The following PUM3 variants were observed in gnomAD, a reference collection of about 807,000 sequenced individuals.
PUM3 encodes the protein pumilio RNA binding family member 3.
Under a neutral mutation model 84.0 loss-of-function variants are expected in PUM3, and 91 were observed. The ratio of observed to expected loss-of-function variants is 1.08; its 90% CI spans 0.91 to 1.29. The LOEUF is 1.29. PUM3 is among the 50% of genes most tolerant of loss of function. The pLI is 0.00. For missense variants in PUM3, 1,067 were observed against 767.5 expected (o/e 1.39, Z -4.61); for synonymous variants, 321 against 266.7 (o/e 1.20, Z -1.98).
chr9:2,808,974 G>A (rs1821314275), intron 16 of PUM3, among the ~76,000 whole-genome samples: 1 of 152,168 alleles, frequency 6.6e-6, no homozygotes, highest in South Asian at 2.1e-4. Context: ...ATCTCGTGAA[G>A]GAGCCCAAGC....
intron 2 of PUM3, among the ~76,000 whole-genome samples, chr9:2,838,067 T>A (rs1339717276): frequency 6.6e-6 from 1 of 152,150 alleles, no homozygotes; most frequent in Non-Finnish European, 1.5e-5. Context: ...AATAAAGACA[T>A]CACCATTATA....
At chr9:2,839,123 T>C (rs1816204241) in intron 1 of PUM3, among the ~76,000 whole-genome samples, 1 of 152,208 alleles carries the variant, frequency 6.6e-6, no homozygotes, top group African/African-American at 2.4e-5. Context: ...AGTTAATATT[T>C]CATTGAAAGG....
intron 1 of PUM3, among the ~76,000 whole-genome samples, chr9:2,841,574 T>G (rs1816268547): frequency 6.6e-6 from 1 of 152,116 alleles, no homozygotes; most frequent in Non-Finnish European, 1.5e-5. Flanking sequence ...TTTCAAATGT[T>G]AAACTACCAT....
chr9:2,835,375 G>A (rs1429803877), intron 3 of PUM3, among the ~76,000 whole-genome samples: 2 of 152,068 alleles, frequency 1.3e-5, no homozygotes, highest in East Asian at 1.9e-4. Context: ...CCATCATCAC[G>A]CCATTGCACT....
Position 2,829,906 on chromosome 9 carries a change from G to A in PUM3, c.720C>T (p.Gly240=). 1 of 1,613,716 alleles carries A rather than the reference G, an allele frequency of 6.2e-7. No homozygotes were observed. The highest frequency in any genetic ancestry group is 8.5e-7 in the Non-Finnish European group (1 of 1,179,702). Residue 240 remains glycine (G), a synonymous_variant, in exon 8 of 18, where the codon GGC becomes GGT. Transcript: ENST00000397885. The part of the protein sequence containing the change: ...QIAEIIRSFK[G]HVRKMLRHAE... ...CATGCCGCAGCATCTTCCTCACGTG[G>A]CCTTTAAAACTTCTGATTATCTCTG...
intron 8 of PUM3, 78 bp from the exon 9 acceptor site, chr9:2,828,856 C>A: frequency 1.2e-6 from 1 of 815,668 alleles, no homozygotes; most frequent in South Asian, 1.5e-5. Flanking sequence ...AGTAATTAGT[C>A]ATTTTAAAAT....
intron 7 of PUM3, among the ~76,000 whole-genome samples, chr9:2,830,520 AAGTT>A (rs1815947985): frequency 6.6e-6 from 1 of 152,130 alleles, no homozygotes; most frequent in Non-Finnish European, 1.5e-5. Flanking sequence ...GGCTAATTAT[AAGTT>A]AATTATTCTA....
At chr9:2,833,940 A>C in intron 4 of PUM3, 91 bp downstream of exon 4, 1 of 1,358,990 alleles carries the variant, frequency 7.4e-7, no homozygotes, top group Non-Finnish European at 1.0e-6. Context: ...GTGCTATGTC[A>C]TTTATTTTAG....
At chr9:2,819,944 G>A (rs950604522) in intron 13 of PUM3, 74 bp downstream of exon 13, 13 of 933,962 alleles carry the variant, frequency 1.4e-5, no homozygotes, top group South Asian at 7.5e-5. Flanking sequence ...ACACATGCAT[G>A]GTGAAATCAA....
chr9:2,806,181 A>T (rs1425698735), intron 17 of PUM3, among the ~76,000 whole-genome samples: 1 of 152,220 alleles, frequency 6.6e-6, no homozygotes, highest in Admixed American at 6.5e-5. Flanking sequence ...TGAAATTTCC[A>T]GTTAATTGAG....
At chr9:2,828,470 G>C in intron 9 of PUM3, 1 of 480,236 alleles carries the variant, frequency 2.1e-6, no homozygotes, top group Non-Finnish European at 3.7e-6. Context: ...ATGCATGTTA[G>C]TTATCATTTT....
rs376123324 is a variant in PUM3 at position 2,820,014 on chromosome 9, T to C, written c.1269+4A>G. 6 of 1,586,826 alleles carry C rather than the reference T, an allele frequency of 3.8e-6. No homozygotes were observed. Among genetic ancestry groups the C allele is most frequent in the African/African-American group, 1.3e-5 (1 of 74,346 alleles). ...TTAAATTCAAGACCATCAGGATTACTTACTGATATGATTATCTGCTTCACA... is the reference window on the plus strand; with the variant it reads ...TTAAATTCAAGACCATCAGGATTACCTACTGATATGATTATCTGCTTCACA... On this transcript the variant is annotated splice_donor_region_variant and intron_variant, in intron 13 of 17. Coordinates refer to ENST00000397885, the MANE Select transcript of PUM3 (RefSeq NM_014878.5).
At chr9:2,822,191 C>A (rs969968977) in intron 12 of PUM3, among the ~76,000 whole-genome samples, 2 of 152,088 alleles carry the variant, frequency 1.3e-5, no homozygotes, top group African/African-American at 4.8e-5. Context: ...CTCTCAGCAA[C>A]TGATAGAACT....
chr9:2,832,933 T>A (rs1816023017), intron 5 of PUM3, among the ~76,000 whole-genome samples: 1 of 152,212 alleles, frequency 6.6e-6, no homozygotes, highest in Non-Finnish European at 1.5e-5. Context: ...ATATTTTAGT[T>A]AAAGATCTTC....
intron 1 of PUM3, among the ~76,000 whole-genome samples, chr9:2,840,619 A>G (rs913860030): frequency 6.6e-6 from 1 of 152,166 alleles, no homozygotes; most frequent in Non-Finnish European, 1.5e-5. Flanking sequence ...TCAGATATTT[A>G]TTTCATTCCT....
intron 16 of PUM3, 30 bp downstream of exon 16, chr9:2,810,314 T>C (rs1429576093): frequency 2.1e-6 from 3 of 1,413,802 alleles, no homozygotes; most frequent in South Asian, 1.2e-5. Flanking sequence ...CCACATGAGA[T>C]ACAAGAAAAG....
At chr9:2,820,143 A>T (rs1821558833) in intron 12 of PUM3, 45 bp from the exon 13 acceptor site, 2 of 1,171,752 alleles carry the variant, frequency 1.7e-6, no homozygotes, top group East Asian at 4.7e-5. Flanking sequence ...AAGTGCATAG[A>T]TCTTCCCTCT....
intron 10 of PUM3, among the ~76,000 whole-genome samples, chr9:2,826,765 T>A (rs1314694644): frequency 1.3e-5 from 2 of 152,160 alleles, no homozygotes; most frequent in South Asian, 2.1e-4. Context: ...ACTATCCGAA[T>A]GCTTGAATAT....
chr9:2,841,501 G>A (rs762554090), intron 1 of PUM3, among the ~76,000 whole-genome samples: 7 of 152,196 alleles, frequency 4.6e-5, no homozygotes, highest in Non-Finnish European at 8.8e-5. Context: ...CCAGGAGGCA[G>A]AGGCTGCAGC....
Sources: gnomAD v4.1 joint callset for allele counts (sites outside exome capture counted in the v4.1 genomes callset) on GRCh38, gnomAD v4.1.1 for gene constraint, MANE v1.5 for transcripts, NCBI Gene and HGNC (gene_info 2026-07-23, HGNC 2026-07-21) for gene names.